Variants in THSD4 observed in about 807,000 individuals in gnomAD.
THSD4 encodes the protein thrombospondin type 1 domain containing 4, also known as thrombospondin type-1 domain-containing protein 4.
A neutral mutation model predicts 119.0 loss-of-function variants in THSD4; 69 were observed. That is an observed-to-expected ratio of 0.58 (90% CI 0.48 to 0.71). THSD4 has a LOEUF of 0.71. Ranked by LOEUF, THSD4 falls within the 30% of genes least tolerant of loss-of-function variation. The probability of loss-of-function intolerance (pLI) is 0.00; values close to 1 mark genes in which losing one functional copy is unlikely to be tolerated. For synonymous variants in THSD4, 524 were observed against 540.4 expected (o/e 0.97, Z 0.42); for missense variants, 1,393 against 1,391.1 (o/e 1.00, Z -0.02).
At chr15:71,197,664 G>T (rs1352276496) in intron 3 of THSD4, among the ~76,000 whole-genome samples, 1 of 152,098 alleles carries the variant, frequency 6.6e-6, no homozygotes, top group Admixed American at 6.6e-5. Context: ...GGCTGAACTC[G>T]GTGCTCCATG....
upstream of THSD4, among the ~76,000 whole-genome samples, chr15:71,114,181 C>T (rs1010234617): frequency 6.6e-6 from 1 of 152,084 alleles, no homozygotes; most frequent in Non-Finnish European, 1.5e-5. Context: ...GTGTTTCTTT[C>T]TTTGGCCTAA....
At chr15:71,149,301 A>C (rs1452669678) in intron 2 of THSD4, among the ~76,000 whole-genome samples, 1 of 152,106 alleles carries the variant, frequency 6.6e-6, no homozygotes, top group African/African-American at 2.4e-5. Flanking sequence ...GCTGGAGGGC[A>C]ATGGCGTGAT....
intron 6 of THSD4, among the ~76,000 whole-genome samples, chr15:71,280,566 T>G (rs962471824): frequency 1.3e-5 from 2 of 152,172 alleles, no homozygotes; most frequent in African/African-American, 4.8e-5. Flanking sequence ...GCAGCCAAAT[T>G]CCTTGTTCAT....
intron 9 of THSD4, chr15:71,730,876 T>A: frequency 4.2e-6 from 2 of 481,720 alleles, no homozygotes; most frequent in Non-Finnish European, 7.6e-6. Flanking sequence ...GTTTAGAAAA[T>A]CTTGACTCTT....
intron 6 of THSD4, among the ~76,000 whole-genome samples, chr15:71,396,193 A>G (rs554542613): frequency 6.6e-6 from 1 of 151,888 alleles, no homozygotes; most frequent in South Asian, 2.2e-4. Flanking sequence ...CATATGCCCT[A>G]TAAATACATA....
At chr15:71,629,385 T>C (rs1454106540) in intron 7 of THSD4, among the ~76,000 whole-genome samples, 1 of 152,154 alleles carries the variant, frequency 6.6e-6, no homozygotes, top group Non-Finnish European at 1.5e-5. Flanking sequence ...TCAAGCACTG[T>C]TGAGAGACCT....
intron 7 of THSD4, among the ~76,000 whole-genome samples, chr15:71,564,098 A>T (rs2049177891): frequency 6.6e-6 from 1 of 152,204 alleles, no homozygotes; most frequent in African/African-American, 2.4e-5. Flanking sequence ...ACAATTTATA[A>T]AATTGGACAA....
chr15:71,170,838 G>A (rs1039129176), intron 3 of THSD4, among the ~76,000 whole-genome samples: 6 of 152,040 alleles, frequency 3.9e-5, no homozygotes, highest in Non-Finnish European at 7.4e-5. Flanking sequence ...AGGCATGGAA[G>A]ATATTAAAAA....
At chr15:71,561,939 C>T (rs1019882094) in intron 7 of THSD4, among the ~76,000 whole-genome samples, 1 of 150,572 alleles carries the variant, frequency 6.6e-6, no homozygotes, top group Non-Finnish European at 1.5e-5. Context: ...CTCACTCTCT[C>T]TCTTCTCTAG....
intron 7 of THSD4, among the ~76,000 whole-genome samples, chr15:71,642,949 A>G (rs2050893405): frequency 1.3e-5 from 2 of 152,102 alleles, no homozygotes; most frequent in South Asian, 4.1e-4. Context: ...TTAAAGTATA[A>G]TAATAATAAA....
intron 6 of THSD4, among the ~76,000 whole-genome samples, chr15:71,278,957 A>G (rs188128752): frequency 2.2e-4 from 33 of 152,342 alleles, no homozygotes; most frequent in African/African-American, 7.0e-4. Flanking sequence ...ATCCCAGGAA[A>G]CAGCTTTCAT....
At chr15:71,476,556 C>G (rs1046908526) in intron 7 of THSD4, among the ~76,000 whole-genome samples, 1 of 152,188 alleles carries the variant, frequency 6.6e-6, no homozygotes, top group Non-Finnish European at 1.5e-5. Context: ...CCTTGTATAT[C>G]CCTGATACTC....
intron 7 of THSD4, among the ~76,000 whole-genome samples, chr15:71,486,611 G>GTTTTTTTTTTTT (rs200120589): frequency 2.3e-5 from 3 of 131,708 alleles, no homozygotes; most frequent in Non-Finnish European, 3.2e-5. Context: ...TTTCTTTTCT[G>GTTTTTTTTTTTT]TTTTTTTTTT....
intron 6 of THSD4, chr15:71,341,814 T>A (rs956668095): frequency 2.7e-6 from 2 of 737,384 alleles, no homozygotes; most frequent in Non-Finnish European, 2.5e-6. Context: ...TTCCTTCCTT[T>A]CCTTTCATTT....
At chr15:71,393,758 C>T (rs1464288362) in intron 6 of THSD4, among the ~76,000 whole-genome samples, 3 of 152,118 alleles carry the variant, frequency 2.0e-5, no homozygotes, top group Non-Finnish European at 4.4e-5. Context: ...AGCAGGGAGG[C>T]ATGAAAGAAG....
intron 6 of THSD4, among the ~76,000 whole-genome samples, chr15:71,285,660 T>C (rs1391602308): frequency 2.6e-5 from 4 of 152,064 alleles, no homozygotes; most frequent in South Asian, 4.2e-4. Context: ...TTGAGACCAG[T>C]CTGGCCAATA....
intron 6 of THSD4, among the ~76,000 whole-genome samples, chr15:71,368,180 A>G (rs1378876890): frequency 1.3e-5 from 2 of 152,140 alleles, no homozygotes; most frequent in Non-Finnish European, 2.9e-5. Flanking sequence ...GATTCTGGAT[A>G]TTAGCCCTTT....
At chr15:71,471,260 A>G (rs1367634307) in intron 7 of THSD4, among the ~76,000 whole-genome samples, 1 of 152,166 alleles carries the variant, frequency 6.6e-6, no homozygotes, top group Non-Finnish European at 1.5e-5. Flanking sequence ...GCTAAGGTTC[A>G]GAATTAATCA....
intron 7 of THSD4, among the ~76,000 whole-genome samples, chr15:71,434,799 C>T (rs185241867): frequency 1.8e-3 from 277 of 152,208 alleles, no homozygotes; most frequent in Non-Finnish European, 2.8e-3. Context: ...TTGAAACAAT[C>T]CTTTACAATT....
Sources: gnomAD v4.1 joint callset for allele counts (sites outside exome capture counted in the v4.1 genomes callset) on GRCh38, gnomAD v4.1.1 for gene constraint, MANE v1.5 for transcripts, NCBI Gene and HGNC (gene_info 2026-07-23, HGNC 2026-07-21) for gene names.